RAB12: variants seen among roughly 807,000 people sequenced by gnomAD.
RAB12 encodes the protein ras-related protein Rab-12.
In RAB12, 11 loss-of-function variants were observed where a neutral mutation model predicts 28.4. The observed-to-expected ratio is 0.39, with a 90% CI of 0.24 to 0.64. The LOEUF (loss-of-function observed/expected upper bound fraction) is 0.64, where lower values mean the gene tolerates loss of function less well. RAB12 is among the 30% of genes least tolerant of loss of function. The pLI, the probability that RAB12 is intolerant of heterozygous loss-of-function variation, is 0.50. For synonymous variants in RAB12, 138 were observed against 145.3 expected, an observed-to-expected ratio of 0.95 and a Z score of 0.36; for missense variants, 276 against 351.1, an observed-to-expected ratio of 0.79 and a Z score of 1.71.
chr18:8,631,424 A>G (rs987658652), intron 2 of RAB12, among the ~76,000 whole-genome samples: 10 of 152,318 alleles, frequency 6.6e-5, no homozygotes, highest in Middle Eastern at 6.8e-3. Context: ...TTTTCCAAGA[A>G]GCCAAGTCAT....
At chr18:8,622,152 T>G (rs1490810871) in intron 1 of RAB12, among the ~76,000 whole-genome samples, 1 of 152,204 alleles carries the variant, frequency 6.6e-6, no homozygotes, top group East Asian at 1.9e-4. Flanking sequence ...GGACTCTTAG[T>G]CAATTTGAAG....
At chr18:8,617,121 A>T (rs2096007123) in intron 1 of RAB12, among the ~76,000 whole-genome samples, 1 of 152,202 alleles carries the variant, frequency 6.6e-6, no homozygotes, top group Non-Finnish European at 1.5e-5. Flanking sequence ...ACAAAGTGGG[A>T]TTTACACTTT....
chr18:8,633,238 A>G lies in RAB12; in HGVS notation c.625A>G (p.Arg209Gly). Residue 209 changes from arginine (R) to glycine (G), a missense_variant, in exon 3 of 6, where the codon AGA becomes GGA. Physicochemically the swap from Arg to Gly is moderately radical, Grantham distance 125 (BLOSUM62 -2). Transcript: ENST00000649141. Reference sequence around the variant, plus strand: ...CAACAGCATTACCTCAGCTTATTACAGAAGTGCCAAGGGGATCATATTAGT... The same window carrying G: ...CAACAGCATTACCTCAGCTTATTACGGAAGTGCCAAGGGGATCATATTAGT... ...RFNSITSAYYRSAKGIILVYD... is the reference protein window; with the variant it reads ...RFNSITSAYYGSAKGIILVYD... 6.2e-7 allele frequency: 1 copy of G among 1,614,180 alleles called. No individual in the cohort carries two copies. The highest frequency in any genetic ancestry group is 8.5e-7 in the Non-Finnish European group (1 of 1,180,014).
At position 8,609,935 on chromosome 18, in the gene RAB12, G is replaced by A; in HGVS notation, c.496G>A (p.Ala166Thr). 1 of 1,608,712 alleles carries A rather than the reference G, an allele frequency of 6.2e-7. No individual in the cohort carries two copies. Among genetic ancestry groups the A allele is most frequent in the Non-Finnish European group, 8.5e-7 (1 of 1,177,838 alleles). ...CTTCACCGACGACACCTTCTGCGAG[G>A]CCTGCAAGTCCACCGTGGGTAAGGG... is the stretch of plus-strand genomic sequence containing the variant. ...ERFTDDTFCE[A>T]CKSTVGVDFK... Residue 166 changes from alanine to threonine, a missense_variant, in exon 1 of 6, where the codon GCC becomes ACC. Physicochemically the swap from Ala to Thr is moderately conservative, Grantham distance 58. Around this residue, in one of 4 missense-constraint regions of RAB12, gnomAD observed 76 missense variants for 117.9 expected, o/e 0.64. Coordinates refer to ENST00000649141, the MANE Select transcript of RAB12 (RefSeq NM_001025300.3).
At chr18:8,635,085 T>C (rs1200499396) in intron 3 of RAB12, 1 of 152,424 alleles carries the variant, frequency 6.6e-6, no homozygotes, top group African/African-American at 2.4e-5. Flanking sequence ...GTCTTGCTTA[T>C]TTTGTGAATA....
chr18:8,628,736 CA>C (rs2096014256), intron 2 of RAB12, among the ~76,000 whole-genome samples: 1 of 152,142 alleles, frequency 6.6e-6, no homozygotes, highest in Non-Finnish European at 1.5e-5. Context: ...GCTATTCATG[CA>C]AAAACATTTT....
At chr18:8,616,080 G>A (rs2096006525) in intron 1 of RAB12, among the ~76,000 whole-genome samples, 2 of 152,180 alleles carry the variant, frequency 1.3e-5, no homozygotes, top group Admixed American at 1.3e-4. Flanking sequence ...AAAGAAAACA[G>A]CTTTGTACAG....
At chr18:8,620,222 ATC>A (rs2096009141) in intron 1 of RAB12, among the ~76,000 whole-genome samples, 2 of 128,262 alleles carry the variant, frequency 1.6e-5, no homozygotes, top group South Asian at 5.1e-4. Context: ...ATAATACTGT[ATC>A]TCTGTAGCCT....
At chr18:8,612,019 G>A (rs1567891682) in intron 1 of RAB12, among the ~76,000 whole-genome samples, 1 of 152,070 alleles carries the variant, frequency 6.6e-6, no homozygotes, top group African/African-American at 2.4e-5. Context: ...TTCAGTTTCT[G>A]CTTCAGAGTT....
At chr18:8,613,863 A>AGTAGT (rs1182923391) in intron 1 of RAB12, among the ~76,000 whole-genome samples, 4 of 150,380 alleles carry the variant, frequency 2.7e-5, no homozygotes, top group Admixed American at 6.6e-5. Flanking sequence ...TAGTAGTAGT[A>AGTAGT]GTAGTGGTCA....
Position 8,609,876 on chromosome 18 carries a change from C to G in RAB12, c.437C>G (p.Ser146Cys). Residue 146 changes from serine to cysteine, a missense_variant, in exon 1 of 6, where the codon TCC (serine) becomes TGC (cysteine). This residue lies in a region of RAB12 where 76 missense variants were observed against 117.9 expected (regional missense o/e 0.64). Transcript: ENST00000649141. ...AAGTTGCAGGTCATCATTATCGGCT[C>G]CCGCGGCGTGGGCAAGACCAGCCTG... ...DFKLQVIIIG[S>C]RGVGKTSLME... is the part of the protein sequence containing the mutation. 1 of 1,601,448 alleles carries G rather than the reference C, an allele frequency of 6.2e-7. No individual in the cohort carries two copies. Among genetic ancestry groups the G allele is most frequent in the South Asian group, 1.1e-5 (1 of 89,458 alleles).
Position 8,639,298 on chromosome 18 carries a change from G to C in RAB12, c.*1036G>C, listed in dbSNP as rs2096021102. On this transcript the variant is annotated 3_prime_UTR_variant, in exon 6 of 6. Coordinates refer to ENST00000649141, the MANE Select transcript of RAB12 (RefSeq NM_001025300.3). Reference sequence around the variant, plus strand: ...AGTAATTATGTATTTGAATAACTTGGTGTGTCTTGAGTGTTGTGGTATGAA... The same window carrying C: ...AGTAATTATGTATTTGAATAACTTGCTGTGTCTTGAGTGTTGTGGTATGAA... 6.6e-6 allele frequency: 1 copy of C among 151,592 alleles called. No homozygotes were observed. Among genetic ancestry groups the C allele is most frequent in the Non-Finnish European group, 1.5e-5 (1 of 67,864 alleles). The allele number at this position is 151,592 out of a possible 1,614,324, so 9.4% of individuals were successfully genotyped here.
intron 1 of RAB12, among the ~76,000 whole-genome samples, chr18:8,620,746 G>T (rs1027995954): frequency 6.6e-6 from 1 of 152,110 alleles, no homozygotes; most frequent in African/African-American, 2.4e-5. Context: ...CTACATCCTC[G>T]GAGGGCAGGC....
chr18:8,620,165 C>CTTTAAAAA (rs2096009078), intron 1 of RAB12, among the ~76,000 whole-genome samples: 1 of 75,432 alleles, frequency 1.3e-5, no homozygotes, highest in Non-Finnish European at 2.3e-5. Flanking sequence ...TTTTTTGCTT[C>CTTTAAAAA]AAAAAAAAAA....
At chr18:8,617,163 G>T in intron 1 of RAB12, among the ~76,000 whole-genome samples, 1 of 152,244 alleles carries the variant, frequency 6.6e-6, no homozygotes. Flanking sequence ...CATAAATGAA[G>T]TTAAAATATC....
chr18:8,619,877 G>A (rs1286127655), intron 1 of RAB12, among the ~76,000 whole-genome samples: 1 of 152,152 alleles, frequency 6.6e-6, no homozygotes, highest in African/African-American at 2.4e-5. Context: ...CGGCACAGTT[G>A]CTCATGCCTA....
intron 2 of RAB12, among the ~76,000 whole-genome samples, chr18:8,628,395 G>T (rs2096014051): frequency 6.6e-6 from 1 of 152,134 alleles, no homozygotes; most frequent in Admixed American, 6.5e-5. Flanking sequence ...CTTTTGAGAG[G>T]AATAGAAAAT....
chr18:8,618,634 C>G (rs1414334303), intron 1 of RAB12, among the ~76,000 whole-genome samples: 1 of 152,056 alleles, frequency 6.6e-6, no homozygotes, highest in Non-Finnish European at 1.5e-5. Context: ...CTCAGCCTCC[C>G]GAGCAGCTGG....
intron 2 of RAB12, 139 bp from the exon 3 acceptor site, chr18:8,633,050 T>A: frequency 1.0e-6 from 1 of 975,686 alleles, no homozygotes; most frequent in East Asian, 2.4e-5. Flanking sequence ...AGTGTGGTCA[T>A]CAGGTCAAAG....
Sources: gnomAD v4.1 joint callset for allele counts (sites outside exome capture counted in the v4.1 genomes callset) on GRCh38, gnomAD v4.1.1 for gene constraint, gnomAD v4.1.1 regional missense constraint, MANE v1.5 for transcripts, NCBI Gene and HGNC (gene_info 2026-07-23, HGNC 2026-07-21) for gene names.